The following SPAM1 variants were observed in gnomAD, a reference collection of about 807,000 sequenced individuals.
SPAM1 encodes the protein sperm adhesion molecule 1, also known as hyaluronidase PH-20.
A neutral mutation model predicts 29.6 loss-of-function variants in SPAM1; 22 were observed. The ratio of observed to expected loss-of-function variants is 0.74; its 90% confidence interval spans 0.53 to 1.06. SPAM1 has a LOEUF of 1.06. SPAM1 is among the 50% of genes least tolerant of loss of function. SPAM1 has a pLI of 0.00. For synonymous variants in SPAM1, 194 were observed against 204.6 expected, an observed-to-expected ratio of 0.95 and a Z score of 0.44; for missense variants, 534 against 604.0, an observed-to-expected ratio of 0.88 and a Z score of 1.21.
rs1023180964 is a variant in SPAM1, at chr7:123,959,805, G to T, written c.1366G>T (p.Asp456Tyr). The change falls in exon 5 of 5, where the codon GAT (aspartate) becomes TAT (tyrosine). Residue 456 changes from aspartate to tyrosine, a missense_variant. By Grantham distance (160) the Asp-to-Tyr change is radical. Coordinates refer to ENST00000682466, the MANE Select transcript of SPAM1 (RefSeq NM_153189.3). ...TGATGTAAAAGACACTGATGCTGTT[G>T]ATGTGTGTATTGCTGATGGTGTCTG... ...KADVKDTDAVDVCIADGVCID... is the reference protein window; with the variant it reads ...KADVKDTDAVYVCIADGVCID... The T allele has an allele frequency of 1.2e-6, 2 of 1,613,204 alleles. No homozygotes were observed. The highest frequency in any genetic ancestry group is 2.7e-5 in the African/African-American group (2 of 74,970).
chr7:123,964,541 G>A (rs1277438417), downstream of SPAM1, among the ~76,000 whole-genome samples: 3 of 151,772 alleles, frequency 2.0e-5, no homozygotes, highest in Admixed American at 6.6e-5. Flanking sequence ...AAGAGACAAG[G>A]TATCTTGCCA....
At chr7:123,952,777 C>A (rs1023353343) in intron 2 of SPAM1, among the ~76,000 whole-genome samples, 1 of 151,426 alleles carries the variant, frequency 6.6e-6, no homozygotes, top group Non-Finnish European at 1.5e-5. Flanking sequence ...AAGATGTGAT[C>A]GAGCAGCGTA....
intron 1 of SPAM1, among the ~76,000 whole-genome samples, chr7:123,937,563 T>A (rs966401003): frequency 3.0e-5 from 4 of 131,474 alleles, no homozygotes; most frequent in South Asian, 2.5e-4. Flanking sequence ...ATCGCGCCAC[T>A]GCACTCCAGC....
At chr7:123,970,280 C>T (rs1792480975) in exon 6 of SPAM1, 2 of 1,546,082 alleles carry the variant, frequency 1.3e-6, no homozygotes, top group African/African-American at 2.7e-5. Context: ...TTTCAGGCCT[C>T]TTCCCTTGGC....
At chr7:123,950,192 A>G (rs1271353845) in intron 2 of SPAM1, among the ~76,000 whole-genome samples, 2 of 152,136 alleles carry the variant, frequency 1.3e-5, no homozygotes, top group African/African-American at 4.8e-5. Flanking sequence ...CGGGAGGATA[A>G]GGTTCTCTAT....
intron 1 of SPAM1, among the ~76,000 whole-genome samples, chr7:123,944,133 T>C (rs546253548): frequency 6.6e-6 from 1 of 152,284 alleles, no homozygotes; most frequent in Admixed American, 6.5e-5. Flanking sequence ...TCAGCCCTTA[T>C]GATCTCACAT....
In SPAM1 at chr7:123,948,834, C is replaced by T. The variant is rs1808672772; in HGVS notation, c.-318-1038C>T. 2.0e-5 allele frequency among the ~76,000 whole-genome samples: 3 copies of T among 151,912 alleles called. 1 individual carries two copies. The highest frequency in any genetic ancestry group is 4.2e-4 in the South Asian group (2 of 4,816). On this transcript the variant is annotated intron_variant, in intron 1 of 4. Coordinates refer to ENST00000682466, the MANE Select transcript of SPAM1 (RefSeq NM_153189.3). ...CATAAACTCACAGGAAATGGGAATT[C>T]CAAAAGGTAGATTCTGAAGGCAGTG...
At chr7:123,925,587 A>T (rs1807852190) in intron 1 of SPAM1, 1 of 152,170 alleles carries the variant, frequency 6.6e-6, no homozygotes, top group South Asian at 2.1e-4. Flanking sequence ...GATTCAATCT[A>T]TAAAGAAATG....
chr7:123,956,480 T>A (rs1372901152), intron 4 of SPAM1, among the ~76,000 whole-genome samples: 1 of 152,022 alleles, frequency 6.6e-6, no homozygotes, highest in African/African-American at 2.4e-5. Context: ...ATAAAACAAA[T>A]GCAAATGAGC....
At chr7:123,969,675 C>G (rs1792472232) in intron 5 of SPAM1, among the ~76,000 whole-genome samples, 1 of 151,728 alleles carries the variant, frequency 6.6e-6, no homozygotes, top group African/African-American at 2.4e-5. Flanking sequence ...ATACCATGCT[C>G]TCTCTTTTGG....
At chr7:123,971,082 G>A (rs1367992372) in exon 7 of SPAM1, 1 of 152,030 alleles carries the variant, frequency 6.6e-6, no homozygotes, top group Non-Finnish European at 1.5e-5. Context: ...ATGCTGTGGG[G>A]AGAAGGCAAG....
At chr7:123,966,507 C>A (rs969766097) in intron 5 of SPAM1, among the ~76,000 whole-genome samples, 1 of 151,772 alleles carries the variant, frequency 6.6e-6, no homozygotes, top group African/African-American at 2.4e-5. Flanking sequence ...ATAGCAAAGA[C>A]GTAATCAACC....
intron 1 of SPAM1, among the ~76,000 whole-genome samples, chr7:123,948,130 GA>G (rs1033802437): frequency 3.9e-5 from 6 of 152,050 alleles, no homozygotes; most frequent in African/African-American, 9.6e-5. Flanking sequence ...AAGTTTCTTA[GA>G]AAAAAAATCT....
intron 1 of SPAM1, among the ~76,000 whole-genome samples, chr7:123,935,430 CT>C (rs2117026784): frequency 6.6e-6 from 1 of 152,220 alleles, no homozygotes; most frequent in Admixed American, 6.5e-5. Flanking sequence ...ACAAACAAAA[CT>C]AAAGCACAGT....
chr7:123,931,036 CCATACTGACCCCT>C (rs1450145857), intron 1 of SPAM1, among the ~76,000 whole-genome samples: 15 of 151,914 alleles, frequency 9.9e-5, no homozygotes, highest in African/African-American at 3.4e-4. Context: ...ACTGCGTCTG[CCATACTGACCCCT>C]CATTAAAACA....
At chr7:123,941,830 C>A (rs946255657) in intron 1 of SPAM1, among the ~76,000 whole-genome samples, 8 of 152,018 alleles carry the variant, frequency 5.3e-5, no homozygotes, top group Non-Finnish European at 1.5e-5. Flanking sequence ...AAAATGGGTC[C>A]CTGGTGTCAG....
downstream of SPAM1, among the ~76,000 whole-genome samples, chr7:123,964,158 C>T (rs1253998001): frequency 1.3e-5 from 2 of 151,716 alleles, no homozygotes; most frequent in African/African-American, 4.8e-5. Context: ...ATTAGATGTA[C>T]ATGTCAATTA....
intron 4 of SPAM1, among the ~76,000 whole-genome samples, chr7:123,958,492 C>T (rs952023807): frequency 3.3e-5 from 5 of 151,920 alleles, no homozygotes; most frequent in South Asian, 2.1e-4. Context: ...TTAATGTATT[C>T]GAGCCAGCAA....
Position 123,954,286 on chromosome 7 carries a change from T to G in SPAM1, c.716T>G (p.Phe239Cys), listed in dbSNP as rs774997522. ...YKKPGYNGSC[F>C]NVEIKRNDDL... ...AAACCCGGTTACAATGGAAGTTGCT[T>G]CAATGTAGAAATAAAAAGAAATGAT... Residue 239 changes from phenylalanine (F) to cysteine (C), a missense_variant, in exon 3 of 5, where the codon TTC becomes TGC. Physicochemically the swap from Phe to Cys is radical, Grantham distance 205. Transcript: ENST00000682466. 6.2e-7 allele frequency: 1 copy of G among 1,612,566 alleles called. No individual in the cohort carries two copies. Among genetic ancestry groups the G allele is most frequent in the South Asian group, 1.1e-5 (1 of 90,812 alleles).
Sources: allele counts gnomAD v4.1 joint callset (sites outside exome capture counted in the v4.1 genomes callset), GRCh38; gene constraint gnomAD v4.1.1; transcripts MANE v1.5; gene names NCBI Gene and HGNC (gene_info 2026-07-23, HGNC 2026-07-21).